The following CRPPA variants were observed in gnomAD, a reference collection of about 807,000 sequenced individuals.
CRPPA encodes D-ribitol-5-phosphate cytidylyltransferase.
A neutral mutation model predicts 52.0 loss-of-function variants in CRPPA; 43 were observed. The ratio of observed to expected loss-of-function variants is 0.83; its 90% CI spans 0.65 to 1.07. CRPPA has a LOEUF of 1.07. CRPPA is among the 50% of genes least tolerant of loss of function. The probability of loss-of-function intolerance (pLI) is 0.00; values close to 1 mark genes in which losing one functional copy is unlikely to be tolerated. For synonymous variants in CRPPA, 250 were observed against 203.5 expected (o/e 1.23, Z -1.94); for missense variants, 629 against 551.7 (o/e 1.14, Z -1.40).
chr7:16,344,839 AG>A (rs1186885461), intron 3 of CRPPA, among the ~76,000 whole-genome samples: 1 of 152,016 alleles, frequency 6.6e-6, no homozygotes, highest in African/African-American at 2.4e-5. Flanking sequence ...CAAAAAAAAA[AG>A]ATCTCAGATT....
chr7:16,400,069 G>T (rs755668864), intron 2 of CRPPA, among the ~76,000 whole-genome samples: 2 of 151,878 alleles, frequency 1.3e-5, no homozygotes, highest in Admixed American at 6.5e-5. Flanking sequence ...GCACGTGATC[G>T]GCAACGTGTA....
intron 3 of CRPPA, among the ~76,000 whole-genome samples, chr7:16,342,966 G>A (rs1343048491): frequency 7.0e-6 from 1 of 142,216 alleles, no homozygotes; most frequent in Non-Finnish European, 1.6e-5. Context: ...CTTGAGCCTG[G>A]GAGGTAGAAG....
At chr7:16,160,565 A>G (rs762201077) in intron 9 of CRPPA, among the ~76,000 whole-genome samples, 5 of 152,110 alleles carry the variant, frequency 3.3e-5, no homozygotes, top group African/African-American at 4.8e-5. Flanking sequence ...TTGTTACTGT[A>G]GCCTTGTAGT....
At chr7:16,102,212 T>A (rs555869494) in intron 9 of CRPPA, among the ~76,000 whole-genome samples, 27 of 152,282 alleles carry the variant, frequency 1.8e-4, no homozygotes, top group Non-Finnish European at 2.5e-4. Flanking sequence ...GGGGAAAGGA[T>A]TCCCTATTTA....
chr7:16,118,016 C>A (rs925293251), intron 9 of CRPPA, among the ~76,000 whole-genome samples: 2 of 152,164 alleles, frequency 1.3e-5, no homozygotes, highest in African/African-American at 4.8e-5. Context: ...AATTACATAT[C>A]CCAAAATCAT....
intron 9 of CRPPA, among the ~76,000 whole-genome samples, chr7:16,113,109 A>C (rs769980207): frequency 7.2e-5 from 11 of 152,062 alleles, no homozygotes; most frequent in Non-Finnish European, 1.6e-4. Context: ...GAGAGTCTTG[A>C]AACATAAAAT....
At chr7:16,190,445 G>T (rs574407161) in intron 9 of CRPPA, among the ~76,000 whole-genome samples, 40 of 152,198 alleles carry the variant, frequency 2.6e-4, no homozygotes, top group African/African-American at 9.4e-4. Context: ...TAACTATAAC[G>T]TAACAATACG....
chr7:16,136,429 A>C (rs1438892685), intron 9 of CRPPA, among the ~76,000 whole-genome samples: 1 of 152,220 alleles, frequency 6.6e-6, no homozygotes. Flanking sequence ...CAAGTTTAAA[A>C]AATAATGGTC....
intron 2 of CRPPA, among the ~76,000 whole-genome samples, chr7:16,376,746 A>T (rs1786899123): frequency 6.6e-6 from 1 of 152,226 alleles, no homozygotes; most frequent in Non-Finnish European, 1.5e-5. Flanking sequence ...TCACAAGGAA[A>T]AACAGTTCCT....
chr7:16,249,599 G>A (rs779005590), intron 8 of CRPPA, among the ~76,000 whole-genome samples: 3 of 152,154 alleles, frequency 2.0e-5, no homozygotes, highest in African/African-American at 7.2e-5. Context: ...GGTCTGAAGT[G>A]GACTTCCAGC....
At chr7:16,400,118 C>T (rs1280617205) in intron 2 of CRPPA, among the ~76,000 whole-genome samples, 2 of 151,938 alleles carry the variant, frequency 1.3e-5, no homozygotes, top group South Asian at 2.1e-4. Flanking sequence ...GATACATGAC[C>T]AACACGTGAC....
chr7:16,421,040 G>T (rs1022405192), intron 1 of CRPPA, 26 bp downstream of exon 1: 7 of 1,263,684 alleles, frequency 5.5e-6, no homozygotes, highest in Non-Finnish European at 7.0e-6. Context: ...CCAGGGAACC[G>T]CGGGGCGCGC....
chr7:16,272,341 T>C (rs1051404765), intron 6 of CRPPA, among the ~76,000 whole-genome samples: 1 of 152,208 alleles, frequency 6.6e-6, no homozygotes, highest in Non-Finnish European at 1.5e-5. Context: ...CTGTAAGGTA[T>C]GTTGCAAAAT....
chr7:16,373,059 C>T, intron 3 of CRPPA, among the ~76,000 whole-genome samples: 1 of 152,152 alleles, frequency 6.6e-6, no homozygotes, highest in East Asian at 1.9e-4. Flanking sequence ...CTTTGGGAGG[C>T]CAACGCAGAC....
chr7:16,168,000 C>T (rs1583404106), intron 9 of CRPPA, among the ~76,000 whole-genome samples: 1 of 152,288 alleles, frequency 6.6e-6, no homozygotes, highest in South Asian at 2.1e-4. Context: ...TTCCCTTCCC[C>T]TTTCTTCTTT....
intron 9 of CRPPA, among the ~76,000 whole-genome samples, chr7:16,092,190 T>C (rs1185264410): frequency 6.6e-6 from 1 of 152,184 alleles, no homozygotes; most frequent in African/African-American, 2.4e-5. Context: ...GAACTGTTTG[T>C]GAGTACCGGT....
intron 9 of CRPPA, among the ~76,000 whole-genome samples, chr7:16,179,433 A>G (rs961711687): frequency 6.6e-6 from 1 of 152,106 alleles, no homozygotes; most frequent in Non-Finnish European, 1.5e-5. Context: ...ATCCTGGATT[A>G]TCTTTATCTG....
chr7:16,123,824 G>A (rs1782523334), intron 9 of CRPPA, among the ~76,000 whole-genome samples: 2 of 152,106 alleles, frequency 1.3e-5, no homozygotes, highest in South Asian at 4.1e-4. Flanking sequence ...TCCAACACCA[G>A]CCATTTTACA....
At chr7:16,347,022 C>A (rs755137866) in intron 3 of CRPPA, among the ~76,000 whole-genome samples, 1 of 152,014 alleles carries the variant, frequency 6.6e-6, no homozygotes, top group Non-Finnish European at 1.5e-5. Context: ...TGTTTTATGC[C>A]ATGGAGTTTT....
Sources: allele counts gnomAD v4.1 joint callset (sites outside exome capture counted in the v4.1 genomes callset), GRCh38; gene constraint gnomAD v4.1.1; transcripts MANE v1.5; gene names NCBI Gene and HGNC (gene_info 2026-07-23, HGNC 2026-07-21).